SLC4A11: variants seen among roughly 807,000 people sequenced by gnomAD.
SLC4A11 encodes bicarbonate transporter related protein 1.
A neutral mutation model predicts 95.0 loss-of-function variants in SLC4A11; 74 were observed. That is an observed-to-expected ratio of 0.78 (90% CI 0.65 to 0.95). The LOEUF is 0.95. Among genes scored for constraint, SLC4A11 ranks in the 40% least tolerant of loss-of-function variants. The pLI, the probability that SLC4A11 is intolerant of heterozygous loss-of-function variation, is 0.00. For synonymous variants in SLC4A11, 548 were observed against 519.0 expected, an observed-to-expected ratio of 1.06 and a Z score of -0.76; for missense variants, 1,081 against 1,192.4, an observed-to-expected ratio of 0.91 and a Z score of 1.38.
In SLC4A11 at chr20:3,230,916, C is replaced by T; in HGVS notation, c.1168+17G>A. Reference sequence around the variant, plus strand: ...GCCCAGCATACCCCCACCCACCGCCCACCGCCAGCCCCTCACCGATGGCCC... The same window carrying T: ...GCCCAGCATACCCCCACCCACCGCCTACCGCCAGCCCCTCACCGATGGCCC... On this transcript the variant is annotated intron_variant, in intron 10 of 19. Coordinates refer to ENST00000642402, the MANE Select transcript of SLC4A11 (RefSeq NM_001174089.2). 6.2e-7 allele frequency: 1 copy of T among 1,613,596 alleles called. No individual in the cohort carries two copies. The highest frequency in any genetic ancestry group is 8.5e-7 in the Non-Finnish European group (1 of 1,179,880).
chr20:3,229,060 G>GGGGCCCCCCCCCCCCCCCCCCC, intron 16 of SLC4A11, 35 bp downstream of exon 16: 5 of 1,542,016 alleles, frequency 3.2e-6, no homozygotes, highest in Non-Finnish European at 4.4e-6. Context: ...AGAGGCCCGG[G>GGGGCCCCCCCCCCCCCCCCCCC]CCCCGCCCAC....
At position 3,228,509 on chromosome 20, in the gene SLC4A11, C is replaced by CA; in HGVS notation, c.2388+2dup. 3 of 1,613,010 alleles carry CA rather than the reference C, an allele frequency of 1.9e-6. No individual in the cohort carries two copies. The highest frequency in any genetic ancestry group is 2.5e-6 in the Non-Finnish European group (3 of 1,179,924). ...CCACTCCCTCGCAGGGCCAAGCGCT[C>CA]ACCTGCTCCTTGAGCAGCAGGGCCA... On this transcript the variant is annotated splice_region_variant and intron_variant, in intron 18 of 19. Coordinates refer to ENST00000642402, the MANE Select transcript of SLC4A11 (RefSeq NM_001174089.2).
chr20:3,233,386 G>A (rs2067845818), intron 7 of SLC4A11, 128 bp downstream of exon 7: 2 of 1,397,346 alleles, frequency 1.4e-6, no homozygotes, highest in Admixed American at 1.8e-5. Flanking sequence ...CACACCCACA[G>A]GGCCGAGGCG....
intron 2 of SLC4A11, among the ~76,000 whole-genome samples, chr20:3,236,256 T>C (rs2067977747): frequency 6.6e-6 from 1 of 152,162 alleles, no homozygotes; most frequent in Non-Finnish European, 1.5e-5. Flanking sequence ...CCCCAGGGAC[T>C]GGTGACTCCC....
chr20:3,234,160 T>C lies in SLC4A11; in HGVS notation c.446A>G (p.Asn149Ser). 6.8e-6 allele frequency: 11 copies of C among 1,614,118 alleles called. No homozygotes were observed. Among genetic ancestry groups the C allele is most frequent in the Non-Finnish European group, 9.3e-6 (11 of 1,180,012 alleles). ...GTCCAGGTTGCAGTTGGGCTCATTG[T>C]TGTCAGGGTCCCTGGCGAAGCGGCG... ...MLRRFARDPDNNEPNCNLDLL... is the reference protein window; with the variant it reads ...MLRRFARDPDSNEPNCNLDLL... The change falls in exon 5 of 20, where the codon AAC (asparagine) becomes AGC (serine). Residue 149 changes from asparagine to serine, a missense_variant. Coordinates refer to ENST00000642402, the MANE Select transcript of SLC4A11 (RefSeq NM_001174089.2). This position sits in a 1 kb window ranked among gnomAD's most constrained non-coding sequence, Gnocchi z 5.8.
Position 3,229,173 on chromosome 20 carries a change from C to T in SLC4A11, c.1940G>A (p.Gly647Asp). 2 of 1,612,138 alleles carry T rather than the reference C, an allele frequency of 1.2e-6. No individual in the cohort carries two copies. The highest frequency in any genetic ancestry group is 1.7e-6 in the Non-Finnish European group (2 of 1,179,976). ...GAGCATGGACAGCAGGAAGCCGAGG[C>T]CCATGGCACCGCTGACGGCCCTCAG... ...LSLRAVSGAM[G>D]LGFLLSMLFF... The change falls in exon 16 of 20, where the codon GGC (glycine) becomes GAC (aspartate). Residue 647 changes from glycine (G) to aspartate (D), a missense_variant. Coordinates refer to ENST00000642402, the MANE Select transcript of SLC4A11 (RefSeq NM_001174089.2).
At chr20:3,232,880 G>A (rs2067827231) in intron 7 of SLC4A11, among the ~76,000 whole-genome samples, 1 of 152,150 alleles carries the variant, frequency 6.6e-6, no homozygotes, top group Non-Finnish European at 1.5e-5. Flanking sequence ...CCTGCTGGGG[G>A]CCACTCCTTC....
At chr20:3,238,659 G>A in intron 1 of SLC4A11, 19 of 997,476 alleles carry the variant, frequency 1.9e-5, no homozygotes, top group Non-Finnish European at 2.3e-5. Context: ...AACTCCAGGG[G>A]TTCCGGGGCT....
In SLC4A11 at chr20:3,230,564, C is replaced by T; in HGVS notation, c.1366G>A (p.Ala456Thr). Reference protein sequence around the residue: ...WTGLWNSFFLALYAFFNLSLV... With the variant: ...WTGLWNSFFLTLYAFFNLSLV... ...CTGAGGTTGAAAAAGGCATAAAGCG[C>T]AAGGAAGAAACTATTCCACAGGCCC... The change falls in exon 12 of 20, where the codon GCG (alanine) becomes ACG (threonine). Residue 456 changes from alanine (A) to threonine (T), a missense_variant. Ala to Thr is a moderately conservative substitution (Grantham distance 58). Transcript: ENST00000642402. 1 of 1,613,922 alleles carries T rather than the reference C, an allele frequency of 6.2e-7. No individual in the cohort carries two copies. Among genetic ancestry groups the T allele is most frequent in the Non-Finnish European group, 8.5e-7 (1 of 1,180,028 alleles).
At chr20:3,236,358 C>T (rs1216266479) in intron 2 of SLC4A11, among the ~76,000 whole-genome samples, 3 of 152,154 alleles carry the variant, frequency 2.0e-5, no homozygotes, top group Admixed American at 6.5e-5. Context: ...AGGCGGATCA[C>T]GAGGTCAGGA....
At position 3,231,068 on chromosome 20, in the gene SLC4A11, G is replaced by A. The variant is rs201799793; in HGVS notation, c.1043-10C>T. The A allele has an allele frequency of 3.0e-3, 4,812 of 1,608,162 alleles. 10 individuals carry two copies. The highest frequency in any genetic ancestry group is 3.7e-3 in the Non-Finnish European group (4,308 of 1,180,006). On this transcript the variant is annotated splice_polypyrimidine_tract_variant and intron_variant, in intron 9 of 19. Coordinates refer to ENST00000642402, the MANE Select transcript of SLC4A11 (RefSeq NM_001174089.2). The surrounding 1 kb of genome is among the most constrained non-coding windows in gnomAD (Gnocchi z 5.2). ...TTTTTCCCAATAATGCCTAGGAATG[G>A]GGGATGGGAGAGAGGGTTTGCTGGG...
At position 3,229,139 on chromosome 20, in the gene SLC4A11, G is replaced by T. The variant is rs374263457; in HGVS notation, c.1974C>A (p.Ile658=). The T allele has an allele frequency of 1.9e-6, 3 of 1,603,204 alleles. No individual in the cohort carries two copies. In the Admixed American group the frequency reaches 5.2e-5, roughly 28 times the overall value. ...CCAAGGCGGCCACCAAGTTCTGCTCGATGAAGAAGAGCATGGACAGCAGGA... is the reference window on the plus strand; with the variant it reads ...CCAAGGCGGCCACCAAGTTCTGCTCTATGAAGAAGAGCATGGACAGCAGGA... ...LGFLLSMLFF[I]EQNLVAALVN... The change falls in exon 16 of 20, where the codon ATC becomes ATA. Residue 658 remains isoleucine (I), a synonymous_variant. Transcript: ENST00000642402.
chr20:3,234,061 C>CG lies in SLC4A11; in HGVS notation c.523+21dup, dbSNP rs2067878215. 1 of 1,613,726 alleles carries CG rather than the reference C, an allele frequency of 6.2e-7. No homozygotes were observed. On this transcript the variant is annotated intron_variant, in intron 5 of 19. Transcript: ENST00000642402. The surrounding 1 kb of genome is among the most constrained non-coding windows in gnomAD (Gnocchi z 5.8). ...AACAGCCCCTCCCAACGCCCCCGCCCGGGCCGGGAGACCGGCCTCACCTTT... is the reference window on the plus strand; with the variant it reads ...AACAGCCCCTCCCAACGCCCCCGCCCGGGGCCGGGAGACCGGCCTCACCTTT...
rs201595005 is a variant in SLC4A11 at position 3,229,694 on chromosome 20, G to A, written c.1572C>T (p.Leu524=). ...GGAGGCTGGCGTTGAGGCTGGCGCCGAGGCCTGACAGGCTGACAAGGGATG... is the reference window on the plus strand; with the variant it reads ...GGAGGCTGGCGTTGAGGCTGGCGCCAAGGCCTGACAGGCTGACAAGGGATG... ...RTSSLVSLSG[L]GASLNASLHT... Residue 524 remains leucine, a synonymous_variant, in exon 14 of 20, where the codon CTC becomes CTT. Coordinates refer to ENST00000642402, the MANE Select transcript of SLC4A11 (RefSeq NM_001174089.2). The A allele has an allele frequency of 6.1e-4, 979 of 1,613,942 alleles. 10 individuals are homozygous for A. In the East Asian group the frequency reaches 0.019, roughly 32 times the overall value.
At position 3,231,595 on chromosome 20, in the gene SLC4A11, GC is replaced by G; in HGVS notation, c.730-48del. ...CACCCCTAGAAACAGAGGAGGCCCTGCCCGGGCCGAGCAGGTGAAGGTGCTC... is the reference window on the plus strand; with the variant it reads ...CACCCCTAGAAACAGAGGAGGCCCTGCCGGGCCGAGCAGGTGAAGGTGCTC... On this transcript the variant is annotated intron_variant, in intron 7 of 19. Coordinates refer to ENST00000642402, the MANE Select transcript of SLC4A11 (RefSeq NM_001174089.2). This position sits in a 1 kb window ranked among gnomAD's most constrained non-coding sequence, Gnocchi z 5.2. 3 of 1,576,342 alleles carry G rather than the reference GC, an allele frequency of 1.9e-6. No individual in the cohort carries two copies. In the South Asian group the frequency reaches 3.3e-5, roughly 17 times the overall value.
rs372201212 is a variant in SLC4A11 at position 3,233,504 on chromosome 20, A to G, written c.729+10T>C. On this transcript the variant is annotated intron_variant, in intron 7 of 19. Transcript: ENST00000642402. Reference sequence around the variant, plus strand: ...TCCTTCTTCCCCAGGACACGGCACTACCCACTCACCATCTTGGGTGGGGCC... The same window carrying G: ...TCCTTCTTCCCCAGGACACGGCACTGCCCACTCACCATCTTGGGTGGGGCC... The G allele has an allele frequency of 4.2e-5, 68 of 1,613,338 alleles. No homozygotes were observed. In the East Asian group the frequency reaches 7.4e-4, roughly 17 times the overall value.
rs1488008877 is a variant in SLC4A11, at chr20:3,229,263, A to G, written c.1850T>C (p.Met617Thr). 2 of 1,613,004 alleles carry G rather than the reference A, an allele frequency of 1.2e-6. No individual in the cohort carries two copies. Among genetic ancestry groups the G allele is most frequent in the Middle Eastern group, 3.3e-4 (2 of 6,062 alleles). ...ISSHGFREIEMSKFRYNPSES... is the reference protein window; with the variant it reads ...ISSHGFREIETSKFRYNPSES... The stretch of plus-strand genomic sequence containing the variant: ...GCTGGGGTTGTAGCGGAACTTGCTC[A>G]CTGCAGTAGGGGACAGGCTACTGCT... The change falls in exon 16 of 20, where the codon ATG becomes ACG. Residue 617 changes from methionine to threonine, a missense_variant and splice_region_variant. Met to Thr is a moderately conservative substitution (Grantham distance 81). Coordinates refer to ENST00000642402, the MANE Select transcript of SLC4A11 (RefSeq NM_001174089.2).
chr20:3,238,002 G>A lies in SLC4A11; in HGVS notation c.44-414C>T, dbSNP rs556904589. On this transcript the variant is annotated intron_variant, in intron 1 of 19. Coordinates refer to ENST00000642402, the MANE Select transcript of SLC4A11 (RefSeq NM_001174089.2). Reference sequence around the variant, plus strand: ...CCTCTCTCCTCGGATGCCAAGGCGGGGGATCTCTCTGCACATCCCTCTTCT... The same window carrying A: ...CCTCTCTCCTCGGATGCCAAGGCGGAGGATCTCTCTGCACATCCCTCTTCT... 747 of 1,547,354 alleles carry A rather than the reference G, an allele frequency of 4.8e-4. 4 individuals carry two copies. In the African/African-American group the frequency reaches 9.2e-3, roughly 19 times the overall value.
At chr20:3,238,910 G>GCCGCGCCCGGGCCTC in intron 1 of SLC4A11, 185 bp downstream of exon 1, 2 of 1,256,210 alleles carry the variant, frequency 1.6e-6, no homozygotes, top group Non-Finnish European at 2.0e-6. Flanking sequence ...TGGCCGCGAA[G>GCCGCGCCCGGGCCTC]CCGCGCCCGG....
Sources: gnomAD v4.1 joint callset for allele counts (sites outside exome capture counted in the v4.1 genomes callset) on GRCh38, gnomAD v4.1.1 for gene constraint, Gnocchi (gnomAD v3.1) non-coding constraint, MANE v1.5 for transcripts, NCBI Gene and HGNC (gene_info 2026-07-23, HGNC 2026-07-21) for gene names.